GULP1: variants seen among roughly 807,000 people sequenced by gnomAD.
The protein encoded by GULP1 is GULP PTB domain containing engulfment adaptor 1.
GULP1 carries 19 observed loss-of-function variants against 40.9 expected under a neutral mutation model. The ratio of observed to expected loss-of-function variants is 0.46; its 90% CI spans 0.32 to 0.68. The LOEUF is 0.68. Ranked by LOEUF, GULP1 falls within the 30% of genes least tolerant of loss-of-function variation. The pLI is 0.03. For synonymous variants in GULP1, 119 were observed against 117.6 expected (o/e 1.01, Z -0.08); for missense variants, 312 against 362.2 (o/e 0.86, Z 1.12).
intron 2 of GULP1, among the ~76,000 whole-genome samples, chr2:188,456,779 A>C (rs1285434374): frequency 1.3e-5 from 2 of 152,160 alleles, no homozygotes; most frequent in African/African-American, 4.8e-5. Context: ...GTGCACCTGG[A>C]AAAGCCACAG....
At chr2:188,306,635 A>G (rs1287378973) in intron 1 of GULP1, among the ~76,000 whole-genome samples, 2 of 152,158 alleles carry the variant, frequency 1.3e-5, no homozygotes, top group Admixed American at 1.3e-4. Flanking sequence ...AGAATAGGGT[A>G]GAAAGAGAAG....
At chr2:188,539,324 C>A (rs1689817414) in intron 6 of GULP1, among the ~76,000 whole-genome samples, 1 of 151,940 alleles carries the variant, frequency 6.6e-6, no homozygotes, top group Non-Finnish European at 1.5e-5. Flanking sequence ...CTGTTATAGA[C>A]CTCCTGTCAG....
chr2:188,306,487 G>T (rs2037118525), intron 1 of GULP1, among the ~76,000 whole-genome samples: 2 of 152,094 alleles, frequency 1.3e-5, no homozygotes, highest in African/African-American at 4.8e-5. Flanking sequence ...CTCTTGGCAG[G>T]GGATTTGACA....
At chr2:188,417,088 C>T (rs1186850428) in intron 2 of GULP1, among the ~76,000 whole-genome samples, 1 of 152,128 alleles carries the variant, frequency 6.6e-6, no homozygotes. Flanking sequence ...TATATTTAAC[C>T]TTATACAAAT....
At chr2:188,494,336 C>T (rs1223145018) in intron 4 of GULP1, among the ~76,000 whole-genome samples, 2 of 152,022 alleles carry the variant, frequency 1.3e-5, no homozygotes, top group Admixed American at 6.6e-5. Context: ...TACTGTCCAC[C>T]TGGTGTCAGT....
intron 2 of GULP1, among the ~76,000 whole-genome samples, chr2:188,449,375 G>A (rs953736175): frequency 2.6e-5 from 4 of 151,858 alleles, no homozygotes; most frequent in African/African-American, 9.7e-5. Flanking sequence ...ACTTTTCTTT[G>A]TATTCCCCTC....
intron 1 of GULP1, among the ~76,000 whole-genome samples, chr2:188,310,565 ATTC>A (rs1416640691): frequency 6.6e-6 from 1 of 152,178 alleles, no homozygotes; most frequent in Admixed American, 6.5e-5. Flanking sequence ...AAAAGTAAGA[ATTC>A]TTCTTTGTAT....
intron 1 of GULP1, among the ~76,000 whole-genome samples, chr2:188,311,823 T>C (rs2038181643): frequency 6.7e-6 from 1 of 148,162 alleles, no homozygotes; most frequent in Non-Finnish European, 1.5e-5. Flanking sequence ...TACGTATAAG[T>C]ATATACATAT....
At chr2:188,543,163 C>T (rs899924767) in intron 7 of GULP1, among the ~76,000 whole-genome samples, 2 of 151,478 alleles carry the variant, frequency 1.3e-5, no homozygotes, top group African/African-American at 2.4e-5. Flanking sequence ...TCTTGTTGTG[C>T]GCATGTACCC....
intron 2 of GULP1, among the ~76,000 whole-genome samples, chr2:188,473,366 C>T (rs2060751526): frequency 6.6e-6 from 1 of 152,182 alleles, no homozygotes; most frequent in African/African-American, 2.4e-5. Flanking sequence ...CCATTCAGGG[C>T]ACTGTGTTAT....
At chr2:188,508,143 A>G (rs757651961) in intron 4 of GULP1, among the ~76,000 whole-genome samples, 8 of 151,956 alleles carry the variant, frequency 5.3e-5, no homozygotes, top group Non-Finnish European at 1.2e-4. Context: ...TGATTTTTTT[A>G]AAAGGCCAAG....
chr2:188,503,796 T>C (rs2063661649), intron 4 of GULP1, among the ~76,000 whole-genome samples: 1 of 151,930 alleles, frequency 6.6e-6, no homozygotes, highest in Admixed American at 6.6e-5. Context: ...AGAGTACTAT[T>C]ACCTTGTTAA....
intron 2 of GULP1, among the ~76,000 whole-genome samples, chr2:188,395,143 A>G (rs957153709): frequency 6.6e-6 from 1 of 152,116 alleles, no homozygotes; most frequent in Non-Finnish European, 1.5e-5. Flanking sequence ...TCTCAGTGCA[A>G]CACACTGAGG....
intron 4 of GULP1, among the ~76,000 whole-genome samples, chr2:188,507,671 A>G (rs765955405): frequency 2.6e-5 from 4 of 152,044 alleles, no homozygotes; most frequent in Non-Finnish European, 4.4e-5. Context: ...CTGAAGTGGC[A>G]TGTCACAAAA....
At chr2:188,406,316 G>A (rs1447182356) in intron 2 of GULP1, among the ~76,000 whole-genome samples, 1 of 152,094 alleles carries the variant, frequency 6.6e-6, no homozygotes, top group Admixed American at 6.5e-5. Flanking sequence ...TACAGAAGAG[G>A]TACAGTGAAA....
chr2:188,356,128 A>G (rs1284424497), intron 1 of GULP1, among the ~76,000 whole-genome samples: 1 of 152,132 alleles, frequency 6.6e-6, no homozygotes, highest in African/African-American at 2.4e-5. Flanking sequence ...GTACTGGAAG[A>G]AGACAAAGAT....
intron 1 of GULP1, among the ~76,000 whole-genome samples, chr2:188,311,092 G>A (rs2038013583): frequency 6.6e-6 from 1 of 152,156 alleles, no homozygotes; most frequent in African/African-American, 2.4e-5. Context: ...CTGGCAAAAT[G>A]AGTTTCAATC....
chr2:188,535,928 G>C (rs1031673367), intron 6 of GULP1, among the ~76,000 whole-genome samples: 3 of 151,494 alleles, frequency 2.0e-5, no homozygotes, highest in Non-Finnish European at 4.4e-5. Context: ...GTTTTTATTT[G>C]AATTTCTTTG....
intron 1 of GULP1, among the ~76,000 whole-genome samples, chr2:188,378,514 C>T (rs896923354): frequency 1.3e-5 from 2 of 152,110 alleles, no homozygotes; most frequent in African/African-American, 4.8e-5. Flanking sequence ...TTATTTGGCT[C>T]ATGGTTCTGC....
Sources: allele counts gnomAD v4.1 joint callset (sites outside exome capture counted in the v4.1 genomes callset), GRCh38; gene constraint gnomAD v4.1.1; transcripts MANE v1.5; gene names NCBI Gene and HGNC (gene_info 2026-07-23, HGNC 2026-07-21).